SNX25: variants seen among roughly 807,000 people sequenced by gnomAD.
SNX25 encodes the protein sorting nexin 25, also known as sorting nexin-25.
In SNX25, 62 loss-of-function variants were observed where a neutral mutation model predicts 113.7. That is an observed-to-expected ratio of 0.55 (90% CI 0.44 to 0.67). The LOEUF (loss-of-function observed/expected upper bound fraction) is 0.67. Ranked by LOEUF, SNX25 falls within the 30% of genes least tolerant of loss-of-function variation. SNX25 has a pLI of 0.00. For missense variants in SNX25, 1,014 were observed against 1,161.0 expected (o/e 0.87, Z 1.84); for synonymous variants, 421 against 436.2 (o/e 0.97, Z 0.43).
intron 1 of SNX25, among the ~76,000 whole-genome samples, chr4:185,241,586 G>GGAGGGAGAGGGA (rs1744055967): frequency 2.7e-5 from 4 of 148,540 alleles, no homozygotes; most frequent in Non-Finnish European, 6.0e-5. Flanking sequence ...GAGAGGGAGA[G>GGAGGGAGAGGGA]GAGGACAGGT....
At chr4:185,221,476 T>C (rs2126347129) in intron 1 of SNX25, among the ~76,000 whole-genome samples, 1 of 152,226 alleles carries the variant, frequency 6.6e-6, no homozygotes, top group East Asian at 1.9e-4. Context: ...ATTTCTTGAG[T>C]ATCTTGCATT....
At chr4:185,212,491 G>GTGTTTTTTTT (rs546083196) in intron 1 of SNX25, among the ~76,000 whole-genome samples, 12 of 104,924 alleles carry the variant, frequency 1.1e-4, no homozygotes, top group African/African-American at 4.1e-4. Flanking sequence ...GTGTGTGTGT[G>GTGTTTTTTTT]TTTTTTTTTT....
At chr4:185,233,912 C>T (rs1306823035) in intron 1 of SNX25, among the ~76,000 whole-genome samples, 2 of 152,078 alleles carry the variant, frequency 1.3e-5, no homozygotes, top group South Asian at 2.1e-4. Context: ...GGCTGGAGTG[C>T]AGTGGCGCGA....
chr4:185,356,886 T>C (rs1200621046), intron 15 of SNX25, among the ~76,000 whole-genome samples: 5 of 152,218 alleles, frequency 3.3e-5, no homozygotes, highest in Admixed American at 6.5e-5. Context: ...CTCATAGCAT[T>C]TCTTTGCCTT....
chr4:185,245,483 G>A (rs1032588692), intron 1 of SNX25, among the ~76,000 whole-genome samples: 1 of 151,912 alleles, frequency 6.6e-6, no homozygotes, highest in Non-Finnish European at 1.5e-5. Context: ...GATTACAGGT[G>A]CCCGCCACCA....
upstream of SNX25, among the ~76,000 whole-genome samples, chr4:185,209,090 A>T (rs1362180812): frequency 6.6e-6 from 1 of 152,144 alleles, no homozygotes. This position sits in a 1 kb window ranked among gnomAD's most constrained non-coding sequence, Gnocchi z 5.2. Context: ...ACTTCTTTGG[A>T]CCTTTCCATA....
At chr4:185,368,087 A>C (rs1218513484), downstream of SNX25, among the ~76,000 whole-genome samples, 2 of 152,190 alleles carry the variant, frequency 1.3e-5, no homozygotes, top group East Asian at 1.9e-4. Context: ...CTGAGCCAGG[A>C]GAATGGCGTG....
intron 1 of SNX25, among the ~76,000 whole-genome samples, chr4:185,235,382 C>T (rs556306290): frequency 8.1e-4 from 124 of 152,344 alleles, no homozygotes; most frequent in South Asian, 1.4e-3. Flanking sequence ...CACACTGCCT[C>T]TCTTGTTCAT....
intron 6 of SNX25, among the ~76,000 whole-genome samples, chr4:185,291,347 A>C (rs1323417362): frequency 6.6e-6 from 1 of 152,132 alleles, no homozygotes; most frequent in Non-Finnish European, 1.5e-5. Context: ...CGTATCCGTT[A>C]AACAATAGCT....
In SNX25 at chr4:185,210,011, C is replaced by T; in HGVS notation, c.185C>T (p.Ala62Val). Reference protein sequence around the residue: ...PGGRSWWKPVAVAALAAVALS... With the variant: ...PGGRSWWKPVVVAALAAVALS... Reference sequence around the variant, plus strand: ...GGCCGGAGCTGGTGGAAGCCCGTGGCGGTGGCCGCACTCGCCGCCGTGGCC... The same window carrying T: ...GGCCGGAGCTGGTGGAAGCCCGTGGTGGTGGCCGCACTCGCCGCCGTGGCC... The change falls in exon 1 of 19, where the codon GCG (alanine) becomes GTG (valine). Residue 62 changes from alanine (A) to valine (V), a missense_variant. Physicochemically the swap from Ala to Val is moderately conservative, Grantham distance 64. Transcript: ENST00000652585. The surrounding 1 kb of genome is among the most constrained non-coding windows in gnomAD (Gnocchi z 4.4). 1.0e-5 allele frequency: 10 copies of T among 983,732 alleles called. No homozygotes were observed. Among genetic ancestry groups the T allele is most frequent in the Non-Finnish European group, 1.1e-5 (9 of 829,254 alleles). The allele number at this position is 983,732 out of a possible 1,614,324, so 60.9% of individuals were successfully genotyped here. A position where few individuals can be genotyped will look rare whatever the true frequency, so the allele number is the denominator to read the frequency against.
chr4:185,346,420 C>A (rs2095286966), intron 12 of SNX25, 117 bp from the exon 13 acceptor site: 1 of 714,622 alleles, frequency 1.4e-6, no homozygotes, highest in Non-Finnish European at 2.3e-6. Context: ...AGGTTTTCAC[C>A]TCAGAGGAAC....
intron 5 of SNX25, among the ~76,000 whole-genome samples, chr4:185,283,247 G>A (rs901918655): frequency 4.6e-5 from 7 of 152,174 alleles, no homozygotes; most frequent in Admixed American, 1.3e-4. Flanking sequence ...GAAGTGGAGT[G>A]TAAAGCACCA....
intron 6 of SNX25, among the ~76,000 whole-genome samples, chr4:185,299,577 A>G (rs1467989817): frequency 6.6e-6 from 1 of 152,202 alleles, no homozygotes; most frequent in Non-Finnish European, 1.5e-5. Flanking sequence ...CCACTGCTGC[A>G]GATGATACAG....
At chr4:185,233,620 C>T (rs987595850) in intron 1 of SNX25, among the ~76,000 whole-genome samples, 9 of 151,962 alleles carry the variant, frequency 5.9e-5, no homozygotes, top group African/African-American at 1.7e-4. Context: ...AGCTTCTATT[C>T]GTTCTCTACT....
At chr4:185,314,536 T>C (rs1256188466) in intron 7 of SNX25, among the ~76,000 whole-genome samples, 2 of 152,106 alleles carry the variant, frequency 1.3e-5, no homozygotes, top group South Asian at 2.1e-4. Context: ...ACAAATTCCC[T>C]GGAAGACACA....
downstream of SNX25, chr4:185,372,998 G>A: frequency 6.2e-7 from 1 of 1,613,910 alleles, no homozygotes; most frequent in Non-Finnish European, 8.5e-7. Flanking sequence ...CGGATGCCTT[G>A]TCCATACAAG....
At chr4:185,231,216 A>G (rs941184786) in intron 1 of SNX25, among the ~76,000 whole-genome samples, 1 of 150,362 alleles carries the variant, frequency 6.7e-6, no homozygotes, top group African/African-American at 2.5e-5. Context: ...CTCCTGCCTC[A>G]GCCTCCCGAG....
chr4:185,377,269 A>C, the SNX25 span: 1 of 412,302 alleles, frequency 2.4e-6, no homozygotes, highest in Non-Finnish European at 4.5e-6. Flanking sequence ...TGTAAATCTC[A>C]GCACTCTGGG....
chr4:185,285,093 A>G (rs1005670784), intron 5 of SNX25, among the ~76,000 whole-genome samples: 4 of 152,332 alleles, frequency 2.6e-5, no homozygotes, highest in Middle Eastern at 3.4e-3. Context: ...TAAGTCTACC[A>G]TTTTAACACA....
Sources: allele counts gnomAD v4.1 joint callset (sites outside exome capture counted in the v4.1 genomes callset), GRCh38; gene constraint gnomAD v4.1.1; non-coding constraint Gnocchi (gnomAD v3.1); transcripts MANE v1.5; gene names NCBI Gene and HGNC (gene_info 2026-07-23, HGNC 2026-07-21).